The following SORCS2 variants were observed in gnomAD, a reference collection of about 807,000 sequenced individuals.
SORCS2 encodes VPS10 domain-containing receptor SorCS2.
In SORCS2, 100 loss-of-function variants were observed where a neutral mutation model predicts 141.6. That is an observed-to-expected ratio of 0.71 (90% confidence interval 0.60 to 0.83). The LOEUF is 0.83. Ranked by LOEUF, SORCS2 falls within the 40% of genes least tolerant of loss-of-function variation. The probability of loss-of-function intolerance (pLI) is 0.00; values close to 1 mark genes in which losing one functional copy is unlikely to be tolerated. For synonymous variants in SORCS2, 789 were observed against 676.9 expected, an observed-to-expected ratio of 1.17 and a Z score of -2.57; for missense variants, 1,646 against 1,560.2, an observed-to-expected ratio of 1.05 and a Z score of -0.93.
Position 7,664,218 on chromosome 4 carries a change from G to A in SORCS2, c.953-135G>A, listed in dbSNP as rs6810814. ...CACCCTCAGCCGCAGGTGTCATCACGGTGGCCTTTAGAATTCAAGCCCATG... is the reference window on the plus strand; with the variant it reads ...CACCCTCAGCCGCAGGTGTCATCACAGTGGCCTTTAGAATTCAAGCCCATG... On this transcript the variant is annotated intron_variant, in intron 6 of 26. Coordinates refer to ENST00000507866, the MANE Select transcript of SORCS2 (RefSeq NM_020777.3). This position sits in a 1 kb window ranked among gnomAD's most constrained non-coding sequence, Gnocchi z 4.7. The A allele has an allele frequency of 0.79, 513,683 of 653,984 alleles. 203,035 individuals are homozygous for A. Among genetic ancestry groups the A allele is most frequent in the East Asian group, 0.91 (32,031 of 35,384 alleles). The allele number at this position is 653,984 out of a possible 1,614,324, so 40.5% of individuals were successfully genotyped here. A position where few individuals can be genotyped will look rare whatever the true frequency, so the allele number is the denominator to read the frequency against.
intron 1 of SORCS2, among the ~76,000 whole-genome samples, chr4:7,356,153 C>G (rs1256958896): frequency 6.6e-6 from 1 of 152,244 alleles, no homozygotes; most frequent in African/African-American, 2.4e-5. Context: ...TTTCTCCTGC[C>G]CCCTGGCCCT....
chr4:7,488,279 C>T (rs1268886142), intron 2 of SORCS2, among the ~76,000 whole-genome samples: 1 of 152,228 alleles, frequency 6.6e-6, no homozygotes, highest in Non-Finnish European at 1.5e-5. Flanking sequence ...CCCAGAAAAG[C>T]TCAATGAGGT....
intron 2 of SORCS2, among the ~76,000 whole-genome samples, chr4:7,462,112 T>C (rs1222113312): frequency 3.9e-5 from 6 of 152,202 alleles, no homozygotes; most frequent in African/African-American, 1.4e-4. Context: ...CCAGAGTGCC[T>C]TGGAGCCCGG....
chr4:7,428,823 G>A (rs1726632681), intron 2 of SORCS2, among the ~76,000 whole-genome samples: 1 of 152,112 alleles, frequency 6.6e-6, no homozygotes, highest in Admixed American at 6.5e-5. Context: ...GTTGTGAGCT[G>A]GCCCGGACTT....
chr4:7,549,682 C>T (rs1048956209), intron 3 of SORCS2, among the ~76,000 whole-genome samples: 2 of 152,224 alleles, frequency 1.3e-5, no homozygotes, highest in African/African-American at 2.4e-5. Flanking sequence ...AGTTGGTGCT[C>T]AGTTAATTCT....
chr4:7,221,199 G>A (rs1163427105), intron 1 of SORCS2, among the ~76,000 whole-genome samples: 11 of 152,130 alleles, frequency 7.2e-5, no homozygotes, highest in Admixed American at 7.2e-4. Context: ...TTTCCCCTGA[G>A]TTTTTGATTT....
intron 1 of SORCS2, among the ~76,000 whole-genome samples, chr4:7,377,228 A>G (rs1229005441): frequency 6.6e-6 from 1 of 151,902 alleles, no homozygotes; most frequent in Non-Finnish European, 1.5e-5. Flanking sequence ...GCTATGGTTT[A>G]TGGAACCATT....
intron 1 of SORCS2, among the ~76,000 whole-genome samples, chr4:7,235,098 C>T (rs2108781426): frequency 6.6e-6 from 1 of 152,370 alleles, no homozygotes; most frequent in Non-Finnish European, 1.5e-5. Context: ...CTGTGTCTAT[C>T]TGGCGTTCTC....
chr4:7,386,362 G>C lies in SORCS2; in HGVS notation c.481-9926G>C, dbSNP rs1306020368. ...ATACACATGAACACATGCACACACA[G>C]ATACACAGAAATACATGCACACACA... On this transcript the variant is annotated intron_variant, in intron 1 of 26. Coordinates refer to ENST00000507866, the MANE Select transcript of SORCS2 (RefSeq NM_020777.3). Among the ~76,000 whole-genome samples the C allele has an allele frequency of 3.6e-5, 4 of 110,300 alleles. 1 individual carries two copies. The highest frequency in any genetic ancestry group is 1.9e-4 in the Admixed American group (2 of 10,446). The allele number at this position is 110,300 out of a possible 152,430, so 72.4% of individuals were successfully genotyped here. A position where few individuals can be genotyped will look rare whatever the true frequency, so the allele number is the denominator to read the frequency against.
chr4:7,224,615 G>A (rs1483775579), intron 1 of SORCS2, among the ~76,000 whole-genome samples: 2 of 152,216 alleles, frequency 1.3e-5, no homozygotes, highest in Non-Finnish European at 2.9e-5. Context: ...GTGCAAAGGA[G>A]GGTGGCACTA....
chr4:7,638,181 G>A (rs1447653386), intron 3 of SORCS2, 147 bp from the exon 4 acceptor site: 44 of 996,048 alleles, frequency 4.4e-5, no homozygotes, highest in Non-Finnish European at 6.0e-5. Context: ...AGGAGGTGAA[G>A]GGGAGAGGCA....
chr4:7,697,157 A>G (rs1448068047), intron 11 of SORCS2, 41 bp from the exon 12 acceptor site: 1 of 1,517,684 alleles, frequency 6.6e-7, no homozygotes, highest in African/African-American at 1.4e-5. Context: ...GTAAAGCTGG[A>G]CGATCCTAAG....
At chr4:7,688,244 A>G (rs997818059) in intron 10 of SORCS2, among the ~76,000 whole-genome samples, 2 of 152,006 alleles carry the variant, frequency 1.3e-5, no homozygotes, top group Admixed American at 1.3e-4. Flanking sequence ...TTCTGGAATG[A>G]CCCCTGCAGA....
At chr4:7,474,139 G>C (rs892019374) in intron 2 of SORCS2, among the ~76,000 whole-genome samples, 2 of 152,188 alleles carry the variant, frequency 1.3e-5, no homozygotes, top group Admixed American at 6.5e-5. Flanking sequence ...GGGCCTCCCA[G>C]AGCCTGGCAC....
At position 7,323,999 on chromosome 4, in the gene SORCS2, T is replaced by G. The variant is rs564617804; in HGVS notation, c.481-72289T>G. ...CACATGGGCTACCTGGGTCCTAGGA[T>G]CTGAGGCCCACACCATCCTTACGCG... On this transcript the variant is annotated intron_variant, in intron 1 of 26. Coordinates refer to ENST00000507866, the MANE Select transcript of SORCS2 (RefSeq NM_020777.3). Among the ~76,000 whole-genome samples, 5 of 152,262 alleles carry G rather than the reference T, an allele frequency of 3.3e-5. No homozygotes were observed. In the South Asian group the frequency reaches 6.2e-4, roughly 19 times the overall value.
At chr4:7,414,884 A>G (rs1187077327) in intron 2 of SORCS2, among the ~76,000 whole-genome samples, 1 of 152,158 alleles carries the variant, frequency 6.6e-6, no homozygotes, top group Non-Finnish European at 1.5e-5. Context: ...CTCCTTTGAA[A>G]TGCTGAGGAT....
Position 7,318,575 on chromosome 4 carries a change from G to T in SORCS2, c.481-77713G>T, listed in dbSNP as rs76331230. The stretch of plus-strand genomic sequence containing the variant: ...CAGTTTTGATGGTAAAATGTCTATC[G>T]CATCTATGCCTATGTTGGGAGAAAG... On this transcript the variant is annotated intron_variant, in intron 1 of 26. Coordinates refer to ENST00000507866, the MANE Select transcript of SORCS2 (RefSeq NM_020777.3). Among the ~76,000 whole-genome samples, 725 of 152,188 alleles carry T rather than the reference G, an allele frequency of 4.8e-3. 4 individuals carry two copies. The highest frequency in any genetic ancestry group is 0.016 in the African/African-American group (683 of 41,512).
intron 1 of SORCS2, among the ~76,000 whole-genome samples, chr4:7,373,458 T>TTATATATA (rs1553850461): frequency 2.4e-5 from 2 of 82,830 alleles, no homozygotes; most frequent in Admixed American, 1.3e-4. Flanking sequence ...TGAGAAACTT[T>TTATATATA]TATATATATA....
At chr4:7,499,413 G>A (rs1194891434) in intron 2 of SORCS2, among the ~76,000 whole-genome samples, 2 of 152,178 alleles carry the variant, frequency 1.3e-5, no homozygotes, top group Non-Finnish European at 2.9e-5. Flanking sequence ...CCCTGTGGGA[G>A]TTGCATGCAG....
Sources: gnomAD v4.1 joint callset for allele counts (sites outside exome capture counted in the v4.1 genomes callset) on GRCh38, gnomAD v4.1.1 for gene constraint, Gnocchi (gnomAD v3.1) non-coding constraint, MANE v1.5 for transcripts, NCBI Gene and HGNC (gene_info 2026-07-23, HGNC 2026-07-21) for gene names.